The following WDR45B variants were observed in gnomAD, a reference collection of about 807,000 sequenced individuals.
The protein encoded by WDR45B is WD repeat domain 45B, also known as WD repeat domain phosphoinositide-interacting protein 3.
A neutral mutation model predicts 44.6 loss-of-function variants in WDR45B; 20 were observed. That is an observed-to-expected ratio of 0.45 (90% CI 0.32 to 0.65). The LOEUF is 0.65. WDR45B is among the 30% of genes least tolerant of loss of function. The probability of loss-of-function intolerance (pLI) is 0.05; values close to 1 mark genes in which losing one functional copy is unlikely to be tolerated. For missense variants in WDR45B, 323 were observed against 430.2 expected (o/e 0.75, Z 2.20); for synonymous variants, 169 against 164.9 (o/e 1.02, Z -0.19).
chr17:82,647,900 G>C (rs530565340), intron 1 of WDR45B, among the ~76,000 whole-genome samples: 7 of 151,648 alleles, frequency 4.6e-5, no homozygotes, highest in African/African-American at 1.7e-4. Flanking sequence ...GAGCCCGCAG[G>C]GAGCCAGGGA....
chr17:82,623,911 G>A (rs80115614), intron 5 of WDR45B, among the ~76,000 whole-genome samples: 176 of 152,112 alleles, frequency 1.2e-3, no homozygotes, highest in African/African-American at 4.1e-3. Flanking sequence ...CGCACGGAAC[G>A]GCTACAGCTA....
chr17:82,645,645 T>C (rs566501730), intron 1 of WDR45B, among the ~76,000 whole-genome samples: 7 of 152,300 alleles, frequency 4.6e-5, no homozygotes, highest in South Asian at 2.1e-4. Context: ...CCTAGGTATA[T>C]AGAAGTACAT....
chr17:82,638,121 G>A (rs188133284), intron 2 of WDR45B, among the ~76,000 whole-genome samples: 19 of 146,398 alleles, frequency 1.3e-4, no homozygotes, highest in African/African-American at 4.7e-4. Flanking sequence ...ATGAGGTGGA[G>A]GTTGCAGTGA....
At chr17:82,617,459 C>A in intron 7 of WDR45B, 62 bp from the exon 8 acceptor site, 8 of 1,526,018 alleles carry the variant, frequency 5.2e-6, no homozygotes, top group Non-Finnish European at 7.2e-6. Context: ...AGAGACTTAA[C>A]CCACAGCACT....
chr17:82,625,465 G>C lies in WDR45B; in HGVS notation c.351C>G (p.Asp117Glu). ...LRRDRIVVVL[D>E]SMIKVFTFTH... Reference sequence around the variant, plus strand: ...TGAATGTGAACACCTTAATCATGGAGTCCAAAACCACCACAATTCTGGAAA... The same window carrying C: ...TGAATGTGAACACCTTAATCATGGACTCCAAAACCACCACAATTCTGGAAA... The change falls in exon 5 of 10, where the codon GAC (aspartate) becomes GAG (glutamate). Residue 117 changes from aspartate (D) to glutamate (E), a missense_variant. By Grantham distance (45) the Asp-to-Glu change is conservative. Transcript: ENST00000392325. 1 of 1,614,190 alleles carries C rather than the reference G, an allele frequency of 6.2e-7. No homozygotes were observed. The highest frequency in any genetic ancestry group is 1.3e-5 in the African/African-American group (1 of 75,050).
intron 5 of WDR45B, among the ~76,000 whole-genome samples, chr17:82,624,999 G>T (rs1318814994): frequency 2.0e-5 from 3 of 152,154 alleles, no homozygotes; most frequent in Admixed American, 1.3e-4. Context: ...AATATAAAAA[G>T]ATATGAAGAT....
In WDR45B at chr17:82,630,905, T is replaced by C. The variant is rs765174726; in HGVS notation, c.244+16A>G. ...GGACACGTGAGGCATGATTCTTCAA[T>C]ACACAATTACAGTACCTTTGTTGGG... On this transcript the variant is annotated intron_variant, in intron 3 of 9. Transcript: ENST00000392325. 1.2e-6 allele frequency: 2 copies of C among 1,609,030 alleles called. No homozygotes were observed. The highest frequency in any genetic ancestry group is 1.1e-5 in the South Asian group (1 of 90,956).
In WDR45B at chr17:82,648,335, G is replaced by A. The variant is rs1377627420; in HGVS notation, c.6C>T (p.Asn2=). The change falls in exon 1 of 10, where the codon AAC becomes AAT. Residue 2 remains asparagine (N), a synonymous_variant. Coordinates refer to ENST00000392325, the MANE Select transcript of WDR45B (RefSeq NM_019613.4). ...TGCCGTGAGGGTTACACGGCAGGAG[G>A]TTCATGGCGCCGCCGTGCTGGGTCG... The part of the protein sequence containing the change: M[N]LLPCNPHGNG... The A allele has an allele frequency of 6.2e-6, 10 of 1,606,474 alleles. No homozygotes were observed. The South Asian group carries it at 7.7e-5, about 12-fold the overall frequency.
intron 2 of WDR45B, among the ~76,000 whole-genome samples, chr17:82,638,764 G>A (rs1196106561): frequency 6.6e-6 from 1 of 151,898 alleles, no homozygotes; most frequent in Non-Finnish European, 1.5e-5. Context: ...TAAAAATTAT[G>A]CATCATTTCT....
intron 2 of WDR45B, among the ~76,000 whole-genome samples, chr17:82,638,339 G>C (rs1287744969): frequency 6.7e-6 from 1 of 149,420 alleles, no homozygotes; most frequent in Non-Finnish European, 1.5e-5. Context: ...TGGGGAGACA[G>C]GACACGTTAG....
chr17:82,620,152 G>A (rs950374602), intron 6 of WDR45B, among the ~76,000 whole-genome samples: 1 of 152,158 alleles, frequency 6.6e-6, no homozygotes, highest in Non-Finnish European at 1.5e-5. Context: ...CTACCTAAAG[G>A]GCTGGGTGCG....
At chr17:82,629,697 C>T (rs1244406385) in intron 3 of WDR45B, 1 of 984,890 alleles carries the variant, frequency 1.0e-6, no homozygotes, top group Non-Finnish European at 1.2e-6. Flanking sequence ...CTCTCTTCCG[C>T]ACATTCACGT....
chr17:82,630,277 AGATCT>A (rs2143313580), intron 3 of WDR45B, among the ~76,000 whole-genome samples: 1 of 149,718 alleles, frequency 6.7e-6, no homozygotes, highest in East Asian at 2.0e-4. Context: ...AGCCTCCCCC[AGATCT>A]GCCTCCCACC....
chr17:82,625,594 A>T, intron 4 of WDR45B, 111 bp from the exon 5 acceptor site: 4 of 1,097,680 alleles, frequency 3.6e-6, no homozygotes, highest in Non-Finnish European at 5.4e-6. Context: ...TACCACACAG[A>T]AAAGGAGTGT....
intron 1 of WDR45B, 57 bp downstream of exon 1, chr17:82,648,217 G>T (rs1009759897): frequency 3.8e-6 from 6 of 1,560,278 alleles, no homozygotes; most frequent in African/African-American, 1.4e-5. Flanking sequence ...GAGAGCCGGG[G>T]ACCCCGGGCT....
intron 9 of WDR45B, 77 bp downstream of exon 9, chr17:82,616,447 G>C: frequency 1.2e-6 from 2 of 1,609,552 alleles, no homozygotes; most frequent in Non-Finnish European, 1.7e-6. Context: ...ACGTCCATGG[G>C]AAGTTAGGTC....
intron 1 of WDR45B, 62 bp downstream of exon 1, chr17:82,648,212 C>T (rs2143404563): frequency 3.2e-6 from 5 of 1,553,752 alleles, no homozygotes; most frequent in East Asian, 2.5e-5. Flanking sequence ...GGCCTGAGAG[C>T]CGGGGACCCC....
At chr17:82,634,648 T>C (rs2045811797) in intron 2 of WDR45B, among the ~76,000 whole-genome samples, 1 of 151,892 alleles carries the variant, frequency 6.6e-6, no homozygotes. Context: ...AGGACCCGAG[T>C]GTCCACAGAT....
At chr17:82,631,084 A>G in intron 2 of WDR45B, 62 bp from the exon 3 acceptor site, 1 of 1,522,230 alleles carries the variant, frequency 6.6e-7, no homozygotes, top group African/African-American at 1.4e-5. Context: ...TACAATAAAA[A>G]AGAAAAGAGA....
Sources: gnomAD v4.1 joint callset for allele counts (sites outside exome capture counted in the v4.1 genomes callset) on GRCh38, gnomAD v4.1.1 for gene constraint, MANE v1.5 for transcripts, NCBI Gene and HGNC (gene_info 2026-07-23, HGNC 2026-07-21) for gene names.